The following EEPD1 variants were observed in gnomAD, a reference collection of about 807,000 sequenced individuals.
The protein encoded by EEPD1 is endonuclease/exonuclease/phosphatase family domain containing 1, also known as endonuclease/exonuclease/phosphatase family domain-containing protein 1.
EEPD1 carries 17 observed loss-of-function variants against 46.3 expected under a neutral mutation model. The observed-to-expected ratio is 0.37, with a 90% CI of 0.25 to 0.55. The LOEUF (loss-of-function observed/expected upper bound fraction) is 0.55, where lower values mean the gene tolerates loss of function less well. Among genes scored for constraint, EEPD1 ranks in the 20% least tolerant of loss-of-function variants. EEPD1 has a pLI of 0.83. For missense variants in EEPD1, 673 were observed against 745.6 expected, an observed-to-expected ratio of 0.90 and a Z score of 1.13; for synonymous variants, 313 against 315.6, an observed-to-expected ratio of 0.99 and a Z score of 0.09.
chr7:36,267,158 G>T (rs1282089627), intron 3 of EEPD1, among the ~76,000 whole-genome samples: 2 of 152,152 alleles, frequency 1.3e-5, no homozygotes, highest in African/African-American at 4.8e-5. Flanking sequence ...CTCTGTTACT[G>T]CAGTACTCAG....
chr7:36,185,432 T>G (rs940929669), intron 2 of EEPD1, among the ~76,000 whole-genome samples: 1 of 152,254 alleles, frequency 6.6e-6, no homozygotes, highest in Non-Finnish European at 1.5e-5. Context: ...TCCAGTTTTT[T>G]GTTATTACAA....
intron 2 of EEPD1, among the ~76,000 whole-genome samples, chr7:36,201,484 T>A (rs1785711713): frequency 6.6e-6 from 1 of 152,190 alleles, no homozygotes. Flanking sequence ...AACTTGTTTC[T>A]GATGACTATC....
intron 3 of EEPD1, among the ~76,000 whole-genome samples, chr7:36,269,566 C>G (rs79019211): frequency 4.6e-5 from 7 of 151,960 alleles, no homozygotes; most frequent in Non-Finnish European, 1.0e-4. Context: ...ACTCCAGGCC[C>G]CTGTGCTGCC....
chr7:36,256,514 G>A (rs967735296), intron 3 of EEPD1, among the ~76,000 whole-genome samples: 4 of 152,186 alleles, frequency 2.6e-5, no homozygotes, highest in African/African-American at 4.8e-5. Flanking sequence ...CCCGTATTGG[G>A]TGCATATATA....
At chr7:36,198,773 C>A (rs1478630812) in intron 2 of EEPD1, among the ~76,000 whole-genome samples, 1 of 152,086 alleles carries the variant, frequency 6.6e-6, no homozygotes, top group Non-Finnish European at 1.5e-5. Context: ...TGTCTCCTTC[C>A]CAGGAGGCCT....
intron 2 of EEPD1, among the ~76,000 whole-genome samples, chr7:36,204,802 T>TTTTGTTTG (rs145484333): frequency 1.3e-5 from 2 of 150,986 alleles, no homozygotes; most frequent in African/African-American, 4.8e-5. Flanking sequence ...GTGACAGTGT[T>TTTTGTTTG]TTTGTTTGTT....
intron 2 of EEPD1, among the ~76,000 whole-genome samples, chr7:36,188,752 G>T (rs892376959): frequency 3.3e-5 from 5 of 151,686 alleles, no homozygotes; most frequent in Admixed American, 3.3e-4. Context: ...TGGGTGGTTT[G>T]CATTAAAAAA....
chr7:36,234,939 GGCCTCCAGCCCAGGCCTCCCCCATA>G (rs1260018646), intron 2 of EEPD1, among the ~76,000 whole-genome samples: 866 of 54,792 alleles, frequency 0.016, 7 homozygotes, highest in African/African-American at 0.053. Flanking sequence ...CCTCCCCCAT[GGCCTCCAGCCCAGGCCTCCCCCATA>G]GCCTCCAGCC....
chr7:36,195,626 G>A (rs1272296219), intron 2 of EEPD1, among the ~76,000 whole-genome samples: 1 of 152,196 alleles, frequency 6.6e-6, no homozygotes, highest in African/African-American at 2.4e-5. Flanking sequence ...GGAGATGTCA[G>A]TCAAAGGATA....
chr7:36,180,207 C>T (rs962917098), intron 2 of EEPD1, among the ~76,000 whole-genome samples: 3 of 152,288 alleles, frequency 2.0e-5, no homozygotes, highest in East Asian at 3.9e-4. Context: ...CGGGAGAAAG[C>T]GATGCGGGGG....
chr7:36,296,920 C>T, intron 6 of EEPD1, 73 bp from the exon 7 acceptor site: 1 of 1,512,964 alleles, frequency 6.6e-7, no homozygotes, highest in Non-Finnish European at 9.0e-7. Context: ...AATCCCGTTT[C>T]AAAGGGCCAC....
At chr7:36,196,791 G>GC (rs910335926) in intron 2 of EEPD1, among the ~76,000 whole-genome samples, 3 of 152,134 alleles carry the variant, frequency 2.0e-5, no homozygotes, top group Admixed American at 6.5e-5. Flanking sequence ...GCCTGCCTTG[G>GC]CCCCCCAAAG....
chr7:36,171,813 T>C (rs944072182), intron 2 of EEPD1, among the ~76,000 whole-genome samples: 1 of 152,242 alleles, frequency 6.6e-6, no homozygotes, highest in Non-Finnish European at 1.5e-5. Context: ...GCCAAGCTTG[T>C]TGGTAGCTGG....
chr7:36,218,185 G>C (rs976437761), intron 2 of EEPD1, among the ~76,000 whole-genome samples: 5 of 152,216 alleles, frequency 3.3e-5, no homozygotes, highest in Admixed American at 2.6e-4. Context: ...AGTGCACGAG[G>C]GGGGCTCATT....
At chr7:36,242,970 T>C (rs748620984) in intron 3 of EEPD1, among the ~76,000 whole-genome samples, 2 of 152,150 alleles carry the variant, frequency 1.3e-5, no homozygotes, top group Non-Finnish European at 2.9e-5. Context: ...TGGAATAAGA[T>C]GAGTTCCTAA....
intron 6 of EEPD1, among the ~76,000 whole-genome samples, chr7:36,292,006 G>A (rs1787449394): frequency 1.3e-5 from 2 of 152,176 alleles, no homozygotes; most frequent in Admixed American, 1.3e-4. Context: ...AATGCTTTAG[G>A]AGAAAACCTT....
At chr7:36,186,816 G>T (rs939950510) in intron 2 of EEPD1, among the ~76,000 whole-genome samples, 2 of 152,214 alleles carry the variant, frequency 1.3e-5, no homozygotes, top group African/African-American at 2.4e-5. Flanking sequence ...CATTCTTTCA[G>T]CAGTCTTACA....
At chr7:36,283,221 G>A (rs766823342) in intron 4 of EEPD1, among the ~76,000 whole-genome samples, 9 of 152,242 alleles carry the variant, frequency 5.9e-5, no homozygotes, top group Admixed American at 2.6e-4. Flanking sequence ...TTCTGGAGGA[G>A]AGGGGAGCGC....
chr7:36,154,609 G>A lies in EEPD1; in HGVS notation c.285G>A (p.Lys95=), dbSNP rs1337440717. The A allele has an allele frequency of 6.2e-7, 1 of 1,614,088 alleles. No homozygotes were observed. The highest frequency in any genetic ancestry group is 8.5e-7 in the Non-Finnish European group (1 of 1,180,018). ...GCGCCACCAAGCTGGAGCAGGTCAA[G>A]TTTGAGATCTGTGTGAGCAGCAAGG... ...GVGATKLEQV[K]FEICVSSKGS... The change falls in exon 2 of 8, where the codon AAG becomes AAA. Residue 95 remains lysine (K), a synonymous_variant. Transcript: ENST00000242108. This position sits in a 1 kb window ranked among gnomAD's most constrained non-coding sequence, Gnocchi z 4.2.
Sources: allele counts gnomAD v4.1 joint callset (sites outside exome capture counted in the v4.1 genomes callset), GRCh38; gene constraint gnomAD v4.1.1; non-coding constraint Gnocchi (gnomAD v3.1); transcripts MANE v1.5; gene names NCBI Gene and HGNC (gene_info 2026-07-23, HGNC 2026-07-21).